The following NID1 variants were observed in gnomAD, a reference collection of about 807,000 sequenced individuals.
NID1 encodes the protein nidogen-1.
NID1 carries 76 observed loss-of-function variants against 130.6 expected under a neutral mutation model. The ratio of observed to expected loss-of-function variants is 0.58; its 90% CI spans 0.48 to 0.70. The LOEUF is 0.70. Ranked by LOEUF, NID1 falls within the 30% of genes least tolerant of loss-of-function variation. The pLI, the probability that NID1 is intolerant of heterozygous loss-of-function variation, is 0.00. For synonymous variants in NID1, 665 were observed against 675.1 expected, an observed-to-expected ratio of 0.98 and a Z score of 0.23; for missense variants, 1,517 against 1,664.8, an observed-to-expected ratio of 0.91 and a Z score of 1.54.
At chr1:236,055,860 G>T (rs1331339936) in intron 1 of NID1, among the ~76,000 whole-genome samples, 1 of 152,082 alleles carries the variant, frequency 6.6e-6, no homozygotes, top group African/African-American at 2.4e-5. Context: ...TAAGTTTAGG[G>T]TGTACAACGC....
At chr1:236,043,670 C>T (rs1009735345) in intron 3 of NID1, among the ~76,000 whole-genome samples, 3 of 152,026 alleles carry the variant, frequency 2.0e-5, no homozygotes, top group African/African-American at 4.8e-5. Context: ...TGGTGGTGGG[C>T]GCCTGTAGTC....
intron 1 of NID1, among the ~76,000 whole-genome samples, chr1:236,061,805 G>T (rs527898772): frequency 1.5e-4 from 22 of 151,626 alleles, no homozygotes; most frequent in African/African-American, 5.1e-4. Context: ...AAACACAAAC[G>T]GCCAATGAGC....
At chr1:236,002,482 A>C (rs1658102927) in intron 12 of NID1, among the ~76,000 whole-genome samples, 1 of 151,658 alleles carries the variant, frequency 6.6e-6, no homozygotes, top group Admixed American at 6.6e-5. Context: ...CAGTCTGAGC[A>C]ACAGAGCGAG....
chr1:235,983,466 T>C (rs539939656), intron 15 of NID1, among the ~76,000 whole-genome samples: 1 of 152,140 alleles, frequency 6.6e-6, no homozygotes, highest in Non-Finnish European at 1.5e-5. Context: ...GGCTTTCAGA[T>C]AGAAACAGAA....
chr1:236,025,247 C>T (rs1273875289), intron 8 of NID1, among the ~76,000 whole-genome samples: 5 of 144,566 alleles, frequency 3.5e-5, no homozygotes, highest in African/African-American at 1.0e-4. Context: ...CCACCATGCT[C>T]GGCCCTACAA....
At chr1:236,053,800 G>A (rs1454710619) in intron 1 of NID1, among the ~76,000 whole-genome samples, 1 of 152,172 alleles carries the variant, frequency 6.6e-6, no homozygotes, top group African/African-American at 2.4e-5. Context: ...TTCAAAGCAG[G>A]ATAAGACCTG....
intron 2 of NID1, among the ~76,000 whole-genome samples, chr1:236,045,913 T>C (rs531438800): frequency 4.3e-4 from 65 of 152,322 alleles, no homozygotes; most frequent in Non-Finnish European, 8.1e-4. Context: ...TTCATAAATA[T>C]CTTCTGCATA....
intron 5 of NID1, 76 bp from the exon 6 acceptor site, chr1:236,032,728 C>T: frequency 6.5e-7 from 1 of 1,547,822 alleles, no homozygotes. Flanking sequence ...TATGTAGGAC[C>T]TGTACCTATT....
chr1:235,996,123 C>T (rs1259180682), intron 12 of NID1, among the ~76,000 whole-genome samples: 1 of 152,174 alleles, frequency 6.6e-6, no homozygotes, highest in African/African-American at 2.4e-5. Flanking sequence ...CACTACACTC[C>T]AGCCTGGGTG....
chr1:236,013,426 C>T lies in NID1; in HGVS notation c.2389G>A (p.Gly797Ser). The T allele has an allele frequency of 6.2e-7, 1 of 1,613,946 alleles. No individual in the cohort carries two copies. Residue 797 changes from glycine to serine, a missense_variant, in exon 11 of 20, where the codon GGC (glycine) becomes AGC (serine). Gly to Ser is a moderately conservative substitution (Grantham distance 56, BLOSUM62 0). This residue lies in a region of NID1 where 1,329 missense variants were observed against 1,429.2 expected (regional missense o/e 0.93). Coordinates refer to ENST00000264187, the MANE Select transcript of NID1 (RefSeq NM_002508.3). Reference sequence around the variant, plus strand: ...AACCACACACCTTGGCAGGCTTGGCCATCCCCAGAAAAGCCTGGCAAGCAG... The same window carrying T: ...AACCACACACCTTGGCAGGCTTGGCTATCCCCAGAAAAGCCTGGCAAGCAG... ...CSCLPGFSGDGQACQDVDECQ... is the reference protein window; with the variant it reads ...CSCLPGFSGDSQACQDVDECQ...
At chr1:235,992,270 A>G (rs895204479) in intron 13 of NID1, among the ~76,000 whole-genome samples, 1 of 151,978 alleles carries the variant, frequency 6.6e-6, no homozygotes, top group African/African-American at 2.4e-5. Flanking sequence ...GGTGACACAA[A>G]CCAATCTGGT....
At position 236,042,148 on chromosome 1, in the gene NID1, C is replaced by T. The variant is rs750904589; in HGVS notation, c.897G>A (p.Ala299=). 8.1e-6 allele frequency: 13 copies of T among 1,614,058 alleles called. No homozygotes were observed. The highest frequency in any genetic ancestry group is 1.6e-4 in the Middle Eastern group (1 of 6,062). ...YDDEDEDYDL[A]TTRLGLEDVG... ...CATCCTCCAGGCCCAGACGAGTGGT[C>T]GCCAGGTCATAATCTTCATCCTCAT... The change falls in exon 4 of 20, where the codon GCG becomes GCA. Residue 299 remains alanine, a synonymous_variant. Coordinates refer to ENST00000264187, the MANE Select transcript of NID1 (RefSeq NM_002508.3).
At chr1:235,991,127 A>ACC (rs796719314) in intron 13 of NID1, 69 bp from the exon 14 acceptor site, 2 of 1,294,376 alleles carry the variant, frequency 1.5e-6, no homozygotes, top group African/African-American at 1.5e-5. Flanking sequence ...ACACACACAC[A>ACC]CCCCCACACA....
At chr1:235,993,378 G>A (rs1657815489) in intron 13 of NID1, among the ~76,000 whole-genome samples, 1 of 151,568 alleles carries the variant, frequency 6.6e-6, no homozygotes, top group African/African-American at 2.4e-5. Flanking sequence ...AGGCCCCACT[G>A]GGTATTTACA....
chr1:235,977,872 T>A lies in NID1; in HGVS notation c.3739A>T (p.Lys1247Ter), dbSNP rs1327867921. The stretch of plus-strand genomic sequence containing the variant: ...GAAATAAGGCACTCTTGTCTTCATT[T>A]CTGTTCGATACAGTCAACTCCCAAG... ...NTLGVDCIEQ[K>*] is the part of the protein sequence containing the mutation. Residue 1247 changes from lysine (K) to a stop codon, truncating the protein, a stop_gained, in exon 20 of 20, where the codon AAA becomes TAA. Coordinates refer to ENST00000264187, the MANE Select transcript of NID1 (RefSeq NM_002508.3). LOFTEE classifies it high-confidence loss of function. 6.2e-7 allele frequency: 1 copy of A among 1,614,020 alleles called. No individual in the cohort carries two copies. The highest frequency in any genetic ancestry group is 1.1e-5 in the South Asian group (1 of 91,064).
chr1:236,048,632 A>G, intron 2 of NID1, 58 bp downstream of exon 2: 1 of 1,563,038 alleles, frequency 6.4e-7, no homozygotes, highest in Admixed American at 2.0e-5. Flanking sequence ...GCGTGAGACC[A>G]AAGTGTATGA....
Position 236,042,309 on chromosome 1 carries a change from G to C in NID1, c.753-17C>G, listed in dbSNP as rs1360741179. 6.3e-7 allele frequency: 1 copy of C among 1,592,214 alleles called. No individual in the cohort carries two copies. The highest frequency in any genetic ancestry group is 8.5e-7 in the Non-Finnish European group (1 of 1,174,954). ...TTACTACTCCTAGGAGGAAGGACAG[G>C]CTTCTTAGAAACAGGCCAGCAACCC... On this transcript the variant is annotated splice_polypyrimidine_tract_variant and intron_variant, in intron 3 of 19. Coordinates refer to ENST00000264187, the MANE Select transcript of NID1 (RefSeq NM_002508.3).
chr1:236,011,311 T>C (rs958391278), intron 12 of NID1, among the ~76,000 whole-genome samples: 2 of 147,024 alleles, frequency 1.4e-5, no homozygotes, highest in Admixed American at 6.7e-5. Context: ...TTTTTCTTTT[T>C]TTTTTTTTTT....
intron 12 of NID1, among the ~76,000 whole-genome samples, chr1:235,996,683 T>C (rs983931297): frequency 3.3e-5 from 5 of 152,192 alleles, no homozygotes; most frequent in African/African-American, 1.2e-4. Context: ...GCTCAAGTGA[T>C]CCATCCATCT....
Sources: gnomAD v4.1 joint callset for allele counts (sites outside exome capture counted in the v4.1 genomes callset) on GRCh38, gnomAD v4.1.1 for gene constraint, gnomAD v4.1.1 regional missense constraint, MANE v1.5 for transcripts, NCBI Gene and HGNC (gene_info 2026-07-23, HGNC 2026-07-21) for gene names.